Variants in TMPRSS6 observed in about 807,000 individuals in gnomAD.
The protein encoded by TMPRSS6 is transmembrane serine protease 6, also known as transmembrane protease serine 6.
A neutral mutation model predicts 101.5 loss-of-function variants in TMPRSS6; 67 were observed. That is an observed-to-expected ratio of 0.66 (90% CI 0.54 to 0.81). The LOEUF (loss-of-function observed/expected upper bound fraction) is 0.81. Ranked by LOEUF, TMPRSS6 falls within the 30% of genes least tolerant of loss-of-function variation. The pLI is 0.00. For missense variants in TMPRSS6, 1,034 were observed against 1,088.7 expected (o/e 0.95, Z 0.71); for synonymous variants, 453 against 464.9 (o/e 0.97, Z 0.33).
At chr22:37,070,860 T>G in intron 14 of TMPRSS6, 56 bp downstream of exon 14, 1 of 1,544,998 alleles carries the variant, frequency 6.5e-7, no homozygotes, top group Middle Eastern at 1.9e-4. Flanking sequence ...AGCTTCCTGC[T>G]GTGGGCACCC....
At position 37,069,730 on chromosome 22, in the gene TMPRSS6, A is replaced by C. The variant is rs911272262; in HGVS notation, c.1842-386T>G. 2.0e-5 allele frequency among the ~76,000 whole-genome samples: 3 copies of C among 152,226 alleles called. No individual in the cohort carries two copies. In the East Asian group the frequency reaches 5.8e-4, roughly 29 times the overall value. On this transcript the variant is annotated intron_variant, in intron 15 of 17. Coordinates refer to ENST00000676104, the MANE Select transcript of TMPRSS6 (RefSeq NM_001374504.1). The surrounding 1 kb of genome is among the most constrained non-coding windows in gnomAD (Gnocchi z 4.8). ...ATTTCTTTTTTCCTGTGTGCTTTACAGACCCAGGCTGCTCTGAATTCCCTG... is the reference window on the plus strand; with the variant it reads ...ATTTCTTTTTTCCTGTGTGCTTTACCGACCCAGGCTGCTCTGAATTCCCTG...
intron 10 of TMPRSS6, among the ~76,000 whole-genome samples, chr22:37,077,780 T>C (rs1370280684): frequency 6.6e-6 from 1 of 152,270 alleles, no homozygotes; most frequent in Non-Finnish European, 1.5e-5. Flanking sequence ...AAAGAATTAA[T>C]AAACATTTTA....
intron 10 of TMPRSS6, among the ~76,000 whole-genome samples, chr22:37,077,923 C>A (rs1376657004): frequency 2.0e-5 from 3 of 152,212 alleles, no homozygotes; most frequent in Non-Finnish European, 4.4e-5. Context: ...GCCGCCACCC[C>A]CGACCATGGT....
At chr22:37,089,392 C>T (rs1014433217) in intron 7 of TMPRSS6, among the ~76,000 whole-genome samples, 186 bp downstream of exon 7, 1 of 152,016 alleles carries the variant, frequency 6.6e-6, no homozygotes, top group African/African-American at 2.4e-5. Flanking sequence ...GGGAAGCGCC[C>T]CCAGTACACA....
At chr22:37,072,717 G>A (rs1568999742) in intron 13 of TMPRSS6, among the ~76,000 whole-genome samples, 3 of 145,554 alleles carry the variant, frequency 2.1e-5, no homozygotes, top group Admixed American at 2.1e-4. Flanking sequence ...GATGATGGAT[G>A]GATGATGGAT....
chr22:37,082,537 A>C (rs1928350537), intron 10 of TMPRSS6: 1 of 169,292 alleles, frequency 5.9e-6, no homozygotes, highest in Non-Finnish European at 1.3e-5. Context: ...AGCGGGGGTG[A>C]AGCCAGCCAT....
At chr22:37,081,358 A>C (rs1184387651) in intron 10 of TMPRSS6, among the ~76,000 whole-genome samples, 1 of 152,218 alleles carries the variant, frequency 6.6e-6, no homozygotes, top group African/African-American at 2.4e-5. Context: ...CCAGGTAGGA[A>C]GCAGAGGAGA....
At chr22:37,067,892 G>GTCC (rs1926480536) in intron 16 of TMPRSS6, among the ~76,000 whole-genome samples, 1 of 151,830 alleles carries the variant, frequency 6.6e-6, no homozygotes, top group African/African-American at 2.4e-5. Context: ...CCTCGCCCAG[G>GTCC]CACGCCTGCC....
At chr22:37,090,636 T>C (rs534361988) in intron 6 of TMPRSS6, among the ~76,000 whole-genome samples, 110 of 152,334 alleles carry the variant, frequency 7.2e-4, no homozygotes, top group African/African-American at 2.6e-3. Context: ...CTTTCAATGA[T>C]TGTGTCCATT....
intron 6 of TMPRSS6, among the ~76,000 whole-genome samples, 196 bp downstream of exon 6, chr22:37,095,355 C>T (rs978274006): frequency 6.6e-6 from 1 of 152,088 alleles, no homozygotes; most frequent in Admixed American, 6.5e-5. Context: ...ATGCACGTCG[C>T]CACCTCCTCT....
chr22:37,068,811 C>T (rs1926573836), intron 16 of TMPRSS6: 4 of 712,702 alleles, frequency 5.6e-6, no homozygotes, highest in Non-Finnish European at 9.9e-6. Context: ...TGGGCAGTGG[C>T]GTCCCAGACC....
chr22:37,081,197 C>T (rs753811874), intron 10 of TMPRSS6, among the ~76,000 whole-genome samples: 41 of 152,196 alleles, frequency 2.7e-4, no homozygotes, highest in Non-Finnish European at 3.5e-4. Flanking sequence ...GAGTGAGAGC[C>T]GGTGATGAAC....
At chr22:37,072,233 TGATGGATG>T (rs1244365215) in intron 13 of TMPRSS6, among the ~76,000 whole-genome samples, 1 of 58,588 alleles carries the variant, frequency 1.7e-5, no homozygotes. Context: ...GATGGATGGA[TGATGGATG>T]GATGGATGAT....
At chr22:37,081,391 C>G (rs184814808) in intron 10 of TMPRSS6, among the ~76,000 whole-genome samples, 217 of 152,356 alleles carry the variant, frequency 1.4e-3, no homozygotes, top group African/African-American at 4.6e-3. Flanking sequence ...CCTGGCCTGT[C>G]TGGCTTCGAC....
intron 10 of TMPRSS6, among the ~76,000 whole-genome samples, chr22:37,077,416 G>A (rs1051970475): frequency 3.3e-5 from 5 of 152,166 alleles, no homozygotes; most frequent in African/African-American, 1.2e-4. Flanking sequence ...CAGTGACCAC[G>A]ATCTTACCCT....
chr22:37,067,695 C>A lies in TMPRSS6; in HGVS notation c.2114-733G>T, dbSNP rs527961128. ...TGCAGTCTGCCCTAGCGCTTCTCCACGAGGGCTGCATATCACAGTCCCCCG... is the reference window on the plus strand; with the variant it reads ...TGCAGTCTGCCCTAGCGCTTCTCCAAGAGGGCTGCATATCACAGTCCCCCG... On this transcript the variant is annotated intron_variant, in intron 16 of 17. Coordinates refer to ENST00000676104, the MANE Select transcript of TMPRSS6 (RefSeq NM_001374504.1). 1.1e-4 allele frequency among the ~76,000 whole-genome samples: 17 copies of A among 152,286 alleles called. No individual in the cohort carries two copies. The South Asian group carries it at 2.5e-3, about 22-fold the overall frequency.
chr22:37,066,035 C>T lies in TMPRSS6; in HGVS notation c.*45G>A. The T allele has an allele frequency of 6.2e-7, 1 of 1,612,742 alleles. No individual in the cohort carries two copies. The highest frequency in any genetic ancestry group is 8.5e-7 in the Non-Finnish European group (1 of 1,179,782). On this transcript the variant is annotated 3_prime_UTR_variant, in exon 18 of 18. Transcript: ENST00000676104. ...CCCTGCTTGGCAGTTGCCCTGGGCTCTCTGAGTCCAGGAGGTGGGCCCTGC... is the reference window on the plus strand; with the variant it reads ...CCCTGCTTGGCAGTTGCCCTGGGCTTTCTGAGTCCAGGAGGTGGGCCCTGC...
At position 37,075,234 on chromosome 22, in the gene TMPRSS6, C is replaced by G; in HGVS notation, c.1243G>C (p.Val415Leu). ...ATGGTGATCCCGGCCGTGGCCACCA[C>G]GGGGATCCTCTCGGCGTAGGGCTGC... is the stretch of plus-strand genomic sequence containing the variant. ...ILQPYAERIPVVATAGITINF... is the reference protein window; with the variant it reads ...ILQPYAERIPLVATAGITINF... The change falls in exon 11 of 18, where the codon GTG (valine) becomes CTG (leucine). Residue 415 changes from valine to leucine, a missense_variant. By Grantham distance (32) the Val-to-Leu change is conservative (BLOSUM62 1). Coordinates refer to ENST00000676104, the MANE Select transcript of TMPRSS6 (RefSeq NM_001374504.1). The G allele has an allele frequency of 6.2e-7, 1 of 1,613,778 alleles. No homozygotes were observed. The highest frequency in any genetic ancestry group is 1.1e-5 in the South Asian group (1 of 91,090).
chr22:37,072,649 T>TGATG (rs1361318726), intron 13 of TMPRSS6, among the ~76,000 whole-genome samples: 1 of 116,240 alleles, frequency 8.6e-6, no homozygotes, highest in Non-Finnish European at 1.8e-5. Context: ...GACGGATGGA[T>TGATG]GATGGATGGA....
Sources: allele counts gnomAD v4.1 joint callset (sites outside exome capture counted in the v4.1 genomes callset), GRCh38; gene constraint gnomAD v4.1.1; non-coding constraint Gnocchi (gnomAD v3.1); transcripts MANE v1.5; gene names NCBI Gene and HGNC (gene_info 2026-07-23, HGNC 2026-07-21).